Variants in ITGA4 observed in about 807,000 individuals in gnomAD.
The protein encoded by ITGA4 is integrin alpha-4.
In ITGA4, 63 loss-of-function variants were observed where a neutral mutation model predicts 133.6. The observed-to-expected ratio is 0.47, with a 90% CI of 0.38 to 0.58. The LOEUF is 0.58. ITGA4 is among the 20% of genes least tolerant of loss of function. The pLI, the probability that ITGA4 is intolerant of heterozygous loss-of-function variation, is 0.00. For synonymous variants in ITGA4, 483 were observed against 438.0 expected (o/e 1.10, Z -1.28); for missense variants, 1,076 against 1,252.7 (o/e 0.86, Z 2.13).
At chr2:181,533,973 C>T (rs902424501) in intron 25 of ITGA4, among the ~76,000 whole-genome samples, 4 of 151,968 alleles carry the variant, frequency 2.6e-5, no homozygotes, top group Admixed American at 6.6e-5. Context: ...ATTCAATATG[C>T]GGTGGTGGGG....
rs191850815 is a variant in ITGA4 at position 181,464,265 on chromosome 2, G to A, written c.319+5948G>A. Among the ~76,000 whole-genome samples the A allele has an allele frequency of 2.0e-4, 30 of 152,228 alleles. No homozygotes were observed. In the East Asian group the frequency reaches 5.0e-3, roughly 25 times the overall value. On this transcript the variant is annotated intron_variant, in intron 2 of 27. Coordinates refer to ENST00000397033, the MANE Select transcript of ITGA4 (RefSeq NM_000885.6). ...ATTATGAGGTCTCATTAGATTTAGA[G>A]AATTAGTTCATTAGTAACCTCGGTA...
intron 2 of ITGA4, among the ~76,000 whole-genome samples, chr2:181,474,009 C>T (rs116602660): frequency 6.6e-6 from 1 of 152,102 alleles, no homozygotes; most frequent in Non-Finnish European, 1.5e-5. Flanking sequence ...CAAATTGATG[C>T]TAATGTATTT....
intron 11 of ITGA4, among the ~76,000 whole-genome samples, chr2:181,493,759 G>A (rs376589733): frequency 6.6e-6 from 1 of 152,164 alleles, no homozygotes; most frequent in East Asian, 1.9e-4. Flanking sequence ...TCTTGGCCTT[G>A]TGGCTAGAGC....
Position 181,536,295 on chromosome 2 carries a change from A to G in ITGA4, c.*768A>G, listed in dbSNP as rs1354921595. 6.6e-6 allele frequency: 1 copy of G among 151,668 alleles called. No individual in the cohort carries two copies. Among genetic ancestry groups the G allele is most frequent in the Admixed American group, 6.6e-5 (1 of 15,226 alleles). The allele number at this position is 151,668 out of a possible 1,614,324, so 9.4% of individuals were successfully genotyped here. The stretch of plus-strand genomic sequence containing the variant: ...ATTCTTCCTATCTATTCTTCCTATA[A>G]CACACCTTTATCAAGCATACCCAGG... On this transcript the variant is annotated 3_prime_UTR_variant, in exon 28 of 28. Transcript: ENST00000397033.
chr2:181,509,178 A>C (rs1481846396), intron 15 of ITGA4, among the ~76,000 whole-genome samples: 25 of 87,550 alleles, frequency 2.9e-4, no homozygotes, highest in African/African-American at 1.1e-3. Flanking sequence ...AAAAAAAAAA[A>C]AAAACTAAAA....
chr2:181,523,589 T>G lies in ITGA4; in HGVS notation c.2169+57T>G. 1.1e-6 allele frequency: 1 copy of G among 930,382 alleles called. No homozygotes were observed. The highest frequency in any genetic ancestry group is 1.7e-6 in the Non-Finnish European group (1 of 574,404). 57.6% of individuals were successfully genotyped at this position (930,382 alleles called of 1,614,324 possible). Reference sequence around the variant, plus strand: ...CTATCATGAATATTTTTTTCTATTCTTCCCTATCTTTAGGTTGCATAGAAA... The same window carrying G: ...CTATCATGAATATTTTTTTCTATTCGTCCCTATCTTTAGGTTGCATAGAAA... On this transcript the variant is annotated intron_variant, in intron 19 of 27. Coordinates refer to ENST00000397033, the MANE Select transcript of ITGA4 (RefSeq NM_000885.6). This position sits in a 1 kb window ranked among gnomAD's most constrained non-coding sequence, Gnocchi z 4.2.
intron 27 of ITGA4, among the ~76,000 whole-genome samples, 180 bp downstream of exon 27, chr2:181,535,115 C>T (rs1055209087): frequency 6.6e-6 from 1 of 151,884 alleles, no homozygotes; most frequent in Non-Finnish European, 1.5e-5. Flanking sequence ...AATATGCATT[C>T]TTAATTTGTT....
rs1239247196 is a variant in ITGA4 at position 181,457,637 on chromosome 2, G to A, written c.-18G>A. Reference sequence around the variant, plus strand: ...GGGTAGTGGCCGTTTAGTGTTGAATGTTCCCCACCGAGAGCGCATGGCTTG... The same window carrying A: ...GGGTAGTGGCCGTTTAGTGTTGAATATTCCCCACCGAGAGCGCATGGCTTG... On this transcript the variant is annotated 5_prime_UTR_variant, in exon 1 of 28. It removes an upstream start codon present in the reference 5' UTR. Coordinates refer to ENST00000397033, the MANE Select transcript of ITGA4 (RefSeq NM_000885.6). 1.9e-6 allele frequency: 3 copies of A among 1,604,428 alleles called. No homozygotes were observed. Among genetic ancestry groups the A allele is most frequent in the Non-Finnish European group, 2.5e-6 (3 of 1,177,238 alleles).
Position 181,536,539 on chromosome 2 carries a change from T to A in ITGA4, c.*1012T>A, listed in dbSNP as rs1028087607. 1.5e-4 allele frequency: 9 copies of A among 62,018 alleles called. No homozygotes were observed. Among genetic ancestry groups the A allele is most frequent in the African/African-American group, 6.1e-4 (9 of 14,804 alleles). 3.8% of individuals were successfully genotyped at this position (62,018 alleles called of 1,614,324 possible). ...TATTTCCTTGGATGTAATTCTTTGT[T>A]ACCCTTTACAAGTATAAGTGTTACC... is the stretch of plus-strand genomic sequence containing the variant. On this transcript the variant is annotated 3_prime_UTR_variant, in exon 28 of 28. Coordinates refer to ENST00000397033, the MANE Select transcript of ITGA4 (RefSeq NM_000885.6).
intron 2 of ITGA4, among the ~76,000 whole-genome samples, chr2:181,473,690 A>G (rs1159030173): frequency 6.6e-6 from 1 of 152,246 alleles, no homozygotes; most frequent in Non-Finnish European, 1.5e-5. Flanking sequence ...TAGCCTTACC[A>G]GGCATAGTGG....
intron 18 of ITGA4, among the ~76,000 whole-genome samples, chr2:181,522,865 G>A (rs955952069): frequency 2.0e-5 from 3 of 152,170 alleles, no homozygotes; most frequent in African/African-American, 7.2e-5. Context: ...AAAAGTAACA[G>A]TGGAAACTCA....
chr2:181,531,040 GGGAGGT>G (rs1559058318), intron 24 of ITGA4, among the ~76,000 whole-genome samples: 1 of 151,990 alleles, frequency 6.6e-6, no homozygotes, highest in African/African-American at 2.4e-5. Context: ...GCTTGAATCC[GGGAGGT>G]GGAGGTTGCA....
At chr2:181,532,474 C>A (rs1400173251) in intron 25 of ITGA4, among the ~76,000 whole-genome samples, 1 of 152,040 alleles carries the variant, frequency 6.6e-6, no homozygotes, top group African/African-American at 2.4e-5. Context: ...CCTTCACATC[C>A]CTTGTAAGTT....
chr2:181,518,520 T>C (rs1686656227), intron 17 of ITGA4, among the ~76,000 whole-genome samples: 1 of 152,086 alleles, frequency 6.6e-6, no homozygotes, highest in Non-Finnish European at 1.5e-5. Flanking sequence ...TATGGTAATA[T>C]GTTATATGTT....
chr2:181,527,678 T>C (rs1239377532), intron 22 of ITGA4, among the ~76,000 whole-genome samples: 1 of 152,156 alleles, frequency 6.6e-6, no homozygotes, highest in African/African-American at 2.4e-5. Flanking sequence ...GAGCTGAATT[T>C]GCTAGAGACA....
chr2:181,524,339 T>C, intron 20 of ITGA4, 89 bp downstream of exon 20: 1 of 718,100 alleles, frequency 1.4e-6, no homozygotes, highest in Middle Eastern at 2.5e-4. Context: ...CTGTGTTCCA[T>C]TAATTGTAAG....
chr2:181,487,261 G>T (rs528112596), intron 10 of ITGA4, among the ~76,000 whole-genome samples: 1 of 152,232 alleles, frequency 6.6e-6, no homozygotes, highest in South Asian at 2.1e-4. Flanking sequence ...CCCAGGTTGG[G>T]CATTGGCTCA....
At position 181,494,516 on chromosome 2, in the gene ITGA4, A is replaced by G. The variant is rs1040347962; in HGVS notation, c.1249-206A>G. 2.0e-5 allele frequency among the ~76,000 whole-genome samples: 3 copies of G among 152,210 alleles called. No homozygotes were observed. The highest frequency in any genetic ancestry group is 4.4e-5 in the Non-Finnish European group (3 of 68,030). ...TAATTTTCCCTTTGCTCGCAAAGTA[A>G]ATTTTTTTAGTCACAAATGTCACCT... On this transcript the variant is annotated intron_variant, in intron 11 of 27. Coordinates refer to ENST00000397033, the MANE Select transcript of ITGA4 (RefSeq NM_000885.6).
intron 2 of ITGA4, among the ~76,000 whole-genome samples, chr2:181,467,121 G>A (rs1028052712): frequency 2.6e-5 from 4 of 151,872 alleles, no homozygotes; most frequent in African/African-American, 7.3e-5. Context: ...ATAAAATATG[G>A]AATTGGAACA....
Sources: allele counts gnomAD v4.1 joint callset (sites outside exome capture counted in the v4.1 genomes callset), GRCh38; gene constraint gnomAD v4.1.1; non-coding constraint Gnocchi (gnomAD v3.1); transcripts MANE v1.5; gene names NCBI Gene and HGNC (gene_info 2026-07-23, HGNC 2026-07-21).